Variants in NXPE4 observed in about 807,000 individuals in gnomAD.
The protein encoded by NXPE4 is neurexophilin and PC-esterase domain family member 4.
In NXPE4, 42 loss-of-function variants were observed where a neutral mutation model predicts 33.3. The observed-to-expected ratio is 1.26, with a 90% CI of 0.98 to 1.63. NXPE4 has a LOEUF of 1.63. Among genes scored for constraint, NXPE4 ranks in the 40% most tolerant of loss-of-function variants. The pLI, the probability that NXPE4 is intolerant of heterozygous loss-of-function variation, is 0.00. For synonymous variants in NXPE4, 253 were observed against 234.9 expected, an observed-to-expected ratio of 1.08 and a Z score of -0.71; for missense variants, 709 against 647.6, an observed-to-expected ratio of 1.09 and a Z score of -1.03.
chr11:114,598,798 G>A (rs1238848567), upstream of NXPE4, among the ~76,000 whole-genome samples: 1 of 151,882 alleles, frequency 6.6e-6, no homozygotes, highest in Non-Finnish European at 1.5e-5. Context: ...TCTGTGATGG[G>A]AGAGGCTTCC....
the NXPE4 span, among the ~76,000 whole-genome samples, chr11:114,639,745 A>G: frequency 7.7e-6 from 1 of 130,174 alleles, no homozygotes; most frequent in Non-Finnish European, 1.6e-5. Context: ...AAAATAATAT[A>G]TAATATATAT....
chr11:114,594,830 A>G, intron 1 of NXPE4, 61 bp from the exon 2 acceptor site: 1 of 869,496 alleles, frequency 1.2e-6, no homozygotes, highest in South Asian at 1.5e-5. Flanking sequence ...AAGCAAACAA[A>G]CATGGGAAAC....
At chr11:114,614,384 T>C in the NXPE4 span, among the ~76,000 whole-genome samples, 137 of 151,740 alleles carry the variant, frequency 9.0e-4, no homozygotes, top group Non-Finnish European at 1.6e-3. Context: ...TGGTGGATAA[T>C]AAGTGTAGCC....
the NXPE4 span, among the ~76,000 whole-genome samples, chr11:114,639,835 A>AAATATAAAATATAATATATATTATG: frequency 9.1e-6 from 1 of 110,092 alleles, no homozygotes; most frequent in African/African-American, 4.5e-5. Context: ...TATATATTAT[A>AAATATAAAATATAATATATATTATG]TTAAATATAA....
the NXPE4 span, among the ~76,000 whole-genome samples, chr11:114,638,540 T>C: frequency 3.3e-5 from 5 of 152,092 alleles, no homozygotes; most frequent in Admixed American, 3.3e-4. Context: ...GGAGAGGTGC[T>C]CTGCTTTTTA....
At chr11:114,658,726 C>T in the NXPE4 span, among the ~76,000 whole-genome samples, 17 of 152,078 alleles carry the variant, frequency 1.1e-4, no homozygotes, top group African/African-American at 3.9e-4. Context: ...TGTCCTGGGC[C>T]CAGACCATTA....
chr11:114,636,621 C>T, the NXPE4 span, among the ~76,000 whole-genome samples: 2 of 152,002 alleles, frequency 1.3e-5, no homozygotes, highest in East Asian at 1.9e-4. Context: ...TTTCCCTCTA[C>T]ACACTGCTTT....
intron 5 of NXPE4, among the ~76,000 whole-genome samples, chr11:114,579,702 G>C (rs188211119): frequency 1.1e-3 from 172 of 152,294 alleles, no homozygotes; most frequent in Non-Finnish European, 2.1e-3. Flanking sequence ...GAAAACTGAG[G>C]GATGGAATGG....
At chr11:114,578,752 A>T (rs534585897) in intron 5 of NXPE4, among the ~76,000 whole-genome samples, 21 of 152,314 alleles carry the variant, frequency 1.4e-4, no homozygotes, top group Admixed American at 5.9e-4. Context: ...TGAGATGGCT[A>T]AGGTCTACTA....
the NXPE4 span, among the ~76,000 whole-genome samples, chr11:114,644,202 CAG>C: frequency 6.6e-6 from 1 of 152,126 alleles, no homozygotes; most frequent in Admixed American, 6.6e-5. Flanking sequence ...CATCTGCAAA[CAG>C]AGACAATATG....
the NXPE4 span, among the ~76,000 whole-genome samples, chr11:114,623,490 A>C: frequency 6.6e-5 from 10 of 152,020 alleles, no homozygotes; most frequent in Non-Finnish European, 1.5e-4. Flanking sequence ...TCGGGTAACC[A>C]CTGTTACCCA....
At chr11:114,651,213 G>A in the NXPE4 span, among the ~76,000 whole-genome samples, 1 of 152,096 alleles carries the variant, frequency 6.6e-6, no homozygotes, top group Non-Finnish European at 1.5e-5. Context: ...AGTTCTTAAA[G>A]ATGGTGTGTC....
At chr11:114,581,943 A>G (rs957578325) in intron 3 of NXPE4, among the ~76,000 whole-genome samples, 157 bp from the exon 4 acceptor site, 3 of 152,182 alleles carry the variant, frequency 2.0e-5, no homozygotes, top group Non-Finnish European at 4.4e-5. Context: ...TTCTTTGCCT[A>G]TTAGGCTATG....
the NXPE4 span, among the ~76,000 whole-genome samples, chr11:114,668,729 T>C: frequency 2.6e-5 from 4 of 151,892 alleles, no homozygotes; most frequent in Non-Finnish European, 5.9e-5. Flanking sequence ...TAAGTTACTG[T>C]TAATCTTTAG....
the NXPE4 span, among the ~76,000 whole-genome samples, chr11:114,636,895 T>C: frequency 1.3e-5 from 2 of 152,146 alleles, no homozygotes; most frequent in Non-Finnish European, 2.9e-5. Flanking sequence ...ATATGGTCAA[T>C]TTTGGAATAG....
chr11:114,625,947 C>T, the NXPE4 span, among the ~76,000 whole-genome samples: 18 of 152,152 alleles, frequency 1.2e-4, no homozygotes, highest in Admixed American at 5.2e-4. Context: ...CACTCCCACC[C>T]GAATACTGCA....
chr11:114,623,918 C>T, the NXPE4 span, among the ~76,000 whole-genome samples: 35 of 152,040 alleles, frequency 2.3e-4, no homozygotes, highest in African/African-American at 8.0e-4. Context: ...CATTGCTACC[C>T]AGTGGATAAT....
At chr11:114,598,543 A>C (rs561925725), upstream of NXPE4, among the ~76,000 whole-genome samples, 1 of 152,348 alleles carries the variant, frequency 6.6e-6, no homozygotes, top group South Asian at 2.1e-4. Context: ...TCTGAAATCT[A>C]AGTAGAGTCT....
intron 4 of NXPE4, among the ~76,000 whole-genome samples, chr11:114,580,614 A>G (rs1949121026): frequency 6.6e-6 from 1 of 152,156 alleles, no homozygotes; most frequent in Admixed American, 6.5e-5. Flanking sequence ...AAATTTAAGT[A>G]TTTTCCAGCT....
Sources: gnomAD v4.1 joint callset for allele counts (sites outside exome capture counted in the v4.1 genomes callset) on GRCh38, gnomAD v4.1.1 for gene constraint, MANE v1.5 for transcripts, NCBI Gene and HGNC (gene_info 2026-07-23, HGNC 2026-07-21) for gene names.